SEMA3A: variants seen among roughly 807,000 people sequenced by gnomAD.
SEMA3A encodes the protein semaphorin 3A.
SEMA3A carries 29 observed loss-of-function variants against 97.9 expected under a neutral mutation model. The observed-to-expected ratio is 0.30, with a 90% CI of 0.22 to 0.40. SEMA3A has a LOEUF of 0.40. Among genes scored for constraint, SEMA3A ranks in the 10% least tolerant of loss-of-function variants. The probability of loss-of-function intolerance (pLI) is 1.00; values close to 1 mark genes in which losing one functional copy is unlikely to be tolerated. For synonymous variants in SEMA3A, 321 were observed against 323.7 expected (o/e 0.99, Z 0.09); for missense variants, 763 against 951.3 (o/e 0.80, Z 2.60).
chr7:84,458,547 T>G (rs2116382282), intron 1 of SEMA3A, among the ~76,000 whole-genome samples: 1 of 152,212 alleles, frequency 6.6e-6, no homozygotes, highest in East Asian at 1.9e-4. Context: ...ACTTGCATAC[T>G]TTGTGCACCT....
intron 1 of SEMA3A, among the ~76,000 whole-genome samples, chr7:84,474,109 T>C (rs1806219693): frequency 6.6e-6 from 1 of 152,192 alleles, no homozygotes; most frequent in Non-Finnish European, 1.5e-5. Context: ...AATAAGTTTC[T>C]TTCTGTTTTA....
At position 84,312,921 on chromosome 7, in the gene SEMA3A, T is replaced by TACACAC. The variant is rs1323561552; in HGVS notation, c.-168-5635_-168-5630dup. Reference sequence around the variant, plus strand: ...ATATATATATATATATATATATATATACACACACACACACACACACACGTA... The same window carrying TACACAC: ...ATATATATATATATATATATATATATACACACACACACACACACACACACACACGTA... On this transcript the variant is annotated intron_variant, in intron 2 of 3. Coordinates refer to the SEMA3A transcript ENST00000424555. 7.8e-3 allele frequency among the ~76,000 whole-genome samples: 257 copies of TACACAC among 32,812 alleles called. 2 individuals carry two copies. Among genetic ancestry groups the TACACAC allele is most frequent in the African/African-American group, 0.013 (116 of 8,982 alleles). 21.5% of individuals were successfully genotyped at this position (32,812 alleles called of 152,430 possible).
intron 12 of SEMA3A, among the ~76,000 whole-genome samples, chr7:83,989,706 C>T (rs1349557129): frequency 7.4e-6 from 1 of 136,052 alleles, no homozygotes; most frequent in Admixed American, 7.7e-5. Context: ...TTTTCTTAAT[C>T]CAGTCTATCA....
rs376336423 is a variant in SEMA3A at position 83,997,647 on chromosome 7, C to CTTTT, written c.1452+4304_1452+4307dup. On this transcript the variant is annotated intron_variant, in intron 12 of 16. Transcript: ENST00000265362. Reference sequence around the variant, plus strand: ...GGAATATTGTTCACTCACAAACAATCTTTTTCCAAAATTGTAAAGTCCTAA... The same window carrying CTTTT: ...GGAATATTGTTCACTCACAAACAATCTTTTTTTTTCCAAAATTGTAAAGTCCTAA... Among the ~76,000 whole-genome samples the CTTTT allele has an allele frequency of 5.2e-3, 799 of 152,228 alleles. 11 individuals are homozygous for CTTTT. The highest frequency in any genetic ancestry group is 0.019 in the African/African-American group (769 of 41,538).
chr7:84,331,249 G>A (rs1461254623), intron 2 of SEMA3A, among the ~76,000 whole-genome samples: 1 of 152,028 alleles, frequency 6.6e-6, no homozygotes, highest in Admixed American at 6.6e-5. Flanking sequence ...AATTTGCCAG[G>A]GGTATTTGGA....
At chr7:84,280,666 C>T (rs1218468135) in intron 3 of SEMA3A, among the ~76,000 whole-genome samples, 1 of 151,962 alleles carries the variant, frequency 6.6e-6, no homozygotes, top group Non-Finnish European at 1.5e-5. Context: ...CACCTGTAAT[C>T]CTAGGTACAG....
At chr7:84,156,378 T>C (rs1013333795) in intron 1 of SEMA3A, among the ~76,000 whole-genome samples, 2 of 152,178 alleles carry the variant, frequency 1.3e-5, no homozygotes, top group Non-Finnish European at 2.9e-5. Flanking sequence ...CAGTTAATCA[T>C]GAACCTCTGA....
intron 3 of SEMA3A, among the ~76,000 whole-genome samples, chr7:84,289,237 A>AGTGGTTCATT (rs1311126352): frequency 2.6e-4 from 40 of 152,092 alleles, no homozygotes; most frequent in Non-Finnish European, 8.8e-5. Flanking sequence ...CAGGATAGGG[A>AGTGGTTCATT]GTGGTTCATT....
Position 84,193,508 on chromosome 7 carries a change from A to G in SEMA3A, c.112+967T>C, listed in dbSNP as rs1347627162. Reference sequence around the variant, plus strand: ...AGAAATCAACACCTTAGGGAGTAAAACTACTTGAGTTAAAACAGTTTAATC... The same window carrying G: ...AGAAATCAACACCTTAGGGAGTAAAGCTACTTGAGTTAAAACAGTTTAATC... On this transcript the variant is annotated intron_variant, in intron 1 of 16. Transcript: ENST00000265362. Among the ~76,000 whole-genome samples, 4 of 152,040 alleles carry G rather than the reference A, an allele frequency of 2.6e-5. 1 individual carries two copies. The East Asian group carries it at 5.8e-4, about 22-fold the overall frequency.
chr7:84,145,590 G>A (rs1796439698), intron 1 of SEMA3A, among the ~76,000 whole-genome samples: 1 of 151,956 alleles, frequency 6.6e-6, no homozygotes, highest in Admixed American at 6.6e-5. Context: ...TTTATAAACT[G>A]GCTATCAAAT....
intron 11 of SEMA3A, among the ~76,000 whole-genome samples, chr7:84,004,268 AAAAAT>A (rs1296396993): frequency 3.3e-5 from 5 of 152,102 alleles, no homozygotes; most frequent in Non-Finnish European, 5.9e-5. Context: ...AGAGCTGGGA[AAAAAT>A]AAAATAATAT....
chr7:84,139,829 T>G (rs989067683), intron 1 of SEMA3A, among the ~76,000 whole-genome samples: 1 of 152,210 alleles, frequency 6.6e-6, no homozygotes. Flanking sequence ...GAATAAATTA[T>G]AAATTATAAT....
intron 1 of SEMA3A, among the ~76,000 whole-genome samples, chr7:84,152,995 C>G (rs1009941874): frequency 2.6e-5 from 4 of 152,036 alleles, no homozygotes; most frequent in Non-Finnish European, 2.9e-5. Context: ...ATGACTTCCA[C>G]TTAAAAATAC....
chr7:84,143,994 C>CACACAA (rs1348242265), intron 1 of SEMA3A, among the ~76,000 whole-genome samples: 111 of 137,660 alleles, frequency 8.1e-4, no homozygotes, highest in African/African-American at 2.9e-3. Flanking sequence ...CACACACACA[C>CACACAA]AATTTATTGT....
chr7:84,159,738 G>A (rs1005995436), intron 1 of SEMA3A, among the ~76,000 whole-genome samples: 1 of 152,116 alleles, frequency 6.6e-6, no homozygotes, highest in African/African-American at 2.4e-5. Context: ...TAGACCCTTA[G>A]CTCTTGATGC....
At chr7:84,200,916 G>A (rs1798339368) in intron 3 of SEMA3A, among the ~76,000 whole-genome samples, 1 of 151,458 alleles carries the variant, frequency 6.6e-6, no homozygotes. Flanking sequence ...CAGTGAGGAG[G>A]AAAAAATGAG....
At chr7:84,147,619 T>C (rs1209280222) in intron 1 of SEMA3A, among the ~76,000 whole-genome samples, 1 of 152,146 alleles carries the variant, frequency 6.6e-6, no homozygotes, top group African/African-American at 2.4e-5. Flanking sequence ...ACCTAAACCC[T>C]AGATTTGTCT....
At chr7:84,156,383 C>T (rs1253521154) in intron 1 of SEMA3A, among the ~76,000 whole-genome samples, 1 of 152,040 alleles carries the variant, frequency 6.6e-6, no homozygotes, top group African/African-American at 2.4e-5. Flanking sequence ...AATCATGAAC[C>T]TCTGAAAGTG....
At chr7:84,241,861 C>A (rs1232100119) in intron 3 of SEMA3A, among the ~76,000 whole-genome samples, 2 of 152,060 alleles carry the variant, frequency 1.3e-5, no homozygotes, top group African/African-American at 4.8e-5. Context: ...GCCAGTTTTC[C>A]CAAAAGCATT....
Sources: allele counts gnomAD v4.1 joint callset (sites outside exome capture counted in the v4.1 genomes callset), GRCh38; gene constraint gnomAD v4.1.1; transcripts MANE v1.5; gene names NCBI Gene and HGNC (gene_info 2026-07-23, HGNC 2026-07-21).